SLC12A7: variants seen among roughly 807,000 people sequenced by gnomAD.
The protein encoded by SLC12A7 is K-Cl cotransporter 4.
SLC12A7 carries 100 observed loss-of-function variants against 120.6 expected under a neutral mutation model. That is an observed-to-expected ratio of 0.83 (90% confidence interval 0.71 to 0.98). The LOEUF (loss-of-function observed/expected upper bound fraction) is 0.98, where lower values mean the gene tolerates loss of function less well. Ranked by LOEUF, SLC12A7 falls within the 50% of genes least tolerant of loss-of-function variation. The probability of loss-of-function intolerance (pLI) is 0.00; values close to 1 mark genes in which losing one functional copy is unlikely to be tolerated. For missense variants in SLC12A7, 1,373 were observed against 1,548.1 expected (o/e 0.89, Z 1.90); for synonymous variants, 760 against 678.0 (o/e 1.12, Z -1.88).
At chr5:1,056,781 T>G (rs1174792061) in intron 22 of SLC12A7, among the ~76,000 whole-genome samples, 1 of 152,124 alleles carries the variant, frequency 6.6e-6, no homozygotes, top group Non-Finnish European at 1.5e-5. Context: ...AGGTGTCTCT[T>G]GCGCTCTCAT....
intron 1 of SLC12A7, among the ~76,000 whole-genome samples, chr5:1,106,934 C>G (rs1246618941): frequency 6.6e-6 from 1 of 152,206 alleles, no homozygotes; most frequent in African/African-American, 2.4e-5. Context: ...AGGACAGAAC[C>G]AGGAGTTGCT....
intron 5 of SLC12A7, among the ~76,000 whole-genome samples, chr5:1,087,630 C>T (rs886991191): frequency 1.3e-5 from 2 of 152,188 alleles, no homozygotes; most frequent in African/African-American, 2.4e-5. Context: ...CTCCTGAGGC[C>T]GGGGAAGTCC....
At chr5:1,059,752 CTG>C (rs1190940146) in intron 21 of SLC12A7, among the ~76,000 whole-genome samples, 1 of 131,642 alleles carries the variant, frequency 7.6e-6, no homozygotes, top group African/African-American at 3.0e-5. Context: ...CTGCACAGGT[CTG>C]TGTCGGGGGG....
chr5:1,081,429 G>T, intron 9 of SLC12A7, 148 bp downstream of exon 9: 1 of 788,968 alleles, frequency 1.3e-6, no homozygotes, highest in Non-Finnish European at 1.9e-6. Flanking sequence ...AGACTCAGGT[G>T]GGAGGAATAT....
At chr5:1,085,189 C>T (rs1383148341) in intron 7 of SLC12A7, 43 bp downstream of exon 7, 2 of 1,601,776 alleles carry the variant, frequency 1.2e-6, no homozygotes, top group Non-Finnish European at 1.7e-6. Flanking sequence ...GGACCTGGCC[C>T]CAGCCCCACA....
intron 21 of SLC12A7, among the ~76,000 whole-genome samples, chr5:1,058,205 C>G (rs191189474): frequency 2.6e-5 from 4 of 152,240 alleles, no homozygotes; most frequent in Non-Finnish European, 4.4e-5. Flanking sequence ...TCTGACAATC[C>G]GAGGAAAATG....
intron 1 of SLC12A7, among the ~76,000 whole-genome samples, chr5:1,104,874 C>T (rs1356060810): frequency 5.3e-5 from 8 of 152,246 alleles, no homozygotes; most frequent in African/African-American, 9.6e-5. Context: ...AGCCCAGGGC[C>T]GCAAGCACCA....
At chr5:1,054,150 C>G (rs971918315) in intron 22 of SLC12A7, among the ~76,000 whole-genome samples, 5 of 152,284 alleles carry the variant, frequency 3.3e-5, no homozygotes, top group Non-Finnish European at 7.4e-5. Context: ...CCTCCTACGG[C>G]CCACCCTGCC....
chr5:1,056,968 C>G (rs1357119722), intron 22 of SLC12A7, among the ~76,000 whole-genome samples: 1 of 152,252 alleles, frequency 6.6e-6, no homozygotes, highest in Non-Finnish European at 1.5e-5. Flanking sequence ...TGCCCAGCGG[C>G]ACAAGCCTCC....
chr5:1,147,910 T>A, the SLC12A7 span, among the ~76,000 whole-genome samples: 2 of 151,878 alleles, frequency 1.3e-5, no homozygotes, highest in Admixed American at 6.6e-5. Flanking sequence ...TTTTAGAAAA[T>A]TTTTTGTAGA....
chr5:1,092,086 G>A (rs955017327), intron 3 of SLC12A7, among the ~76,000 whole-genome samples: 8 of 152,254 alleles, frequency 5.3e-5, no homozygotes, highest in Non-Finnish European at 2.9e-5. Flanking sequence ...TGGTCTCACG[G>A]TCACGTCCCT....
At chr5:1,065,539 C>T (rs1736956876) in intron 17 of SLC12A7, 61 bp from the exon 18 acceptor site, 24 of 1,426,810 alleles carry the variant, frequency 1.7e-5, no homozygotes, top group Non-Finnish European at 2.2e-5. Flanking sequence ...CCCACGCCCA[C>T]CACCCACGGT....
At chr5:1,087,195 G>A (rs751775555) in intron 5 of SLC12A7, among the ~76,000 whole-genome samples, 162 bp from the exon 6 acceptor site, 3 of 152,148 alleles carry the variant, frequency 2.0e-5, no homozygotes, top group Non-Finnish European at 2.9e-5. Flanking sequence ...ACGCTTCCAC[G>A]GTGAACTCTC....
the SLC12A7 span, among the ~76,000 whole-genome samples, chr5:1,141,423 C>T: frequency 2.6e-5 from 4 of 152,098 alleles, no homozygotes; most frequent in African/African-American, 9.7e-5. Flanking sequence ...CTGTCCCAGC[C>T]GTCCCTGCTG....
chr5:1,057,957 C>T (rs1012753147), intron 21 of SLC12A7, among the ~76,000 whole-genome samples: 17 of 152,238 alleles, frequency 1.1e-4, no homozygotes, highest in Admixed American at 7.2e-4. Context: ...CCTCACCTGA[C>T]GGGGCTCCAC....
intron 7 of SLC12A7, among the ~76,000 whole-genome samples, 189 bp from the exon 8 acceptor site, chr5:1,084,145 A>AGGGCCAGGGATCACACTGG (rs1739539603): frequency 6.7e-6 from 1 of 149,784 alleles, no homozygotes; most frequent in Non-Finnish European, 1.5e-5. Flanking sequence ...CAGGAATGCA[A>AGGGCCAGGGATCACACTGG]GGGCCAGGGA....
chr5:1,113,992 C>G (rs1407856403), upstream of SLC12A7, among the ~76,000 whole-genome samples: 3 of 152,232 alleles, frequency 2.0e-5, no homozygotes, highest in African/African-American at 7.2e-5. Context: ...CTGCTTCACA[C>G]CCCAGGACCC....
At chr5:1,087,575 G>A (rs1740009510) in intron 5 of SLC12A7, among the ~76,000 whole-genome samples, 1 of 152,240 alleles carries the variant, frequency 6.6e-6, no homozygotes, top group Admixed American at 6.5e-5. Flanking sequence ...GCAGAGACTG[G>A]TCCCTTGGCT....
intron 17 of SLC12A7, among the ~76,000 whole-genome samples, chr5:1,067,046 C>T (rs1441399881): frequency 1.3e-5 from 2 of 152,170 alleles, no homozygotes; most frequent in African/African-American, 4.8e-5. Flanking sequence ...CCTAGAGCTC[C>T]ACCAGCCCTT....
Sources: gnomAD v4.1 joint callset for allele counts (sites outside exome capture counted in the v4.1 genomes callset) on GRCh38, gnomAD v4.1.1 for gene constraint, MANE v1.5 for transcripts, NCBI Gene and HGNC (gene_info 2026-07-23, HGNC 2026-07-21) for gene names.